The following PLEKHN1 variants were observed in gnomAD, a reference collection of about 807,000 sequenced individuals.
PLEKHN1 encodes pleckstrin homology domain-containing family N member 1.
Under a neutral mutation model 72.8 loss-of-function variants are expected in PLEKHN1, and 68 were observed. The observed-to-expected ratio is 0.93, with a 90% CI of 0.77 to 1.14. The LOEUF (loss-of-function observed/expected upper bound fraction) is 1.14. Among genes scored for constraint, PLEKHN1 ranks in the 50% most tolerant of loss-of-function variants. The pLI is 0.00. For synonymous variants in PLEKHN1, 454 were observed against 371.6 expected (o/e 1.22, Z -2.55); for missense variants, 1,015 against 840.5 (o/e 1.21, Z -2.57).
In PLEKHN1 at chr1:973,224, G is replaced by T. The variant is rs1331044276; in HGVS notation, c.1191G>T (p.Arg397=). ...CTGACCGTGCCAGCATTGGCCGACG[G>T]AGGACCGAGCTGAGACGCAGTGGCA... ...ANSDRASIGR[R]RTELRRSGSS... The change falls in exon 12 of 16, where the codon CGG becomes CGT. Residue 397 remains arginine (R), a synonymous_variant. Coordinates refer to ENST00000379410, the MANE Select transcript of PLEKHN1 (RefSeq NM_032129.3). 35 of 1,541,610 alleles carry T rather than the reference G, an allele frequency of 2.3e-5. No individual in the cohort carries two copies. The highest frequency in any genetic ancestry group is 3.1e-5 in the Non-Finnish European group (35 of 1,140,030).
rs757225927 is a variant in PLEKHN1, at chr1:973,204, C to A, written c.1171C>A (p.Arg391Ser). 1.3e-6 allele frequency: 2 copies of A among 1,533,196 alleles called. No homozygotes were observed. Among genetic ancestry groups the A allele is most frequent in the East Asian group, 2.5e-5 (1 of 40,474 alleles). The allele number at this position is 1,533,196 out of a possible 1,614,324, so 95.0% of individuals were successfully genotyped here. A position where few individuals can be genotyped will look rare whatever the true frequency, so the allele number is the denominator to read the frequency against. Residue 391 changes from arginine (R) to serine (S), a missense_variant, in exon 12 of 16, where the codon CGT becomes AGT. Transcript: ENST00000379410. ...CCCACAGGACCAGGCCAACTCTGAC[C>A]GTGCCAGCATTGGCCGACGGAGGAC... is the stretch of plus-strand genomic sequence containing the variant. Reference protein sequence around the residue: ...QHTPDQANSDRASIGRRRTEL... With the variant: ...QHTPDQANSDSASIGRRRTEL...
rs759419736 is a variant in PLEKHN1, at chr1:975,056, G to A, written c.*481G>A. ...GGTGGGTCCTTGTGTGGCCTGGCGC[G>A]CACCACAGGGCAGCACGGGAGACGT... On this transcript the variant is annotated 3_prime_UTR_variant, in exon 16 of 16. Coordinates refer to ENST00000379410, the MANE Select transcript of PLEKHN1 (RefSeq NM_032129.3). 5.7e-5 allele frequency: 9 copies of A among 157,744 alleles called. No individual in the cohort carries two copies. The highest frequency in any genetic ancestry group is 3.8e-4 in the East Asian group (2 of 5,300). 9.8% of individuals were successfully genotyped at this position (157,744 alleles called of 1,614,324 possible).
rs3109215 is a variant in PLEKHN1, at chr1:973,255, C to T, written c.1222C>T (p.Arg408Trp). The T allele has an allele frequency of 3.0e-5, 46 of 1,543,094 alleles. No homozygotes were observed. The highest frequency in any genetic ancestry group is 3.9e-5 in the Non-Finnish European group (44 of 1,141,408). Residue 408 changes from arginine (R) to tryptophan (W), a missense_variant, in exon 12 of 16, where the codon CGG (arginine) becomes TGG (tryptophan). Physicochemically the swap from Arg to Trp is moderately radical, Grantham distance 101. Transcript: ENST00000379410. ...RTELRRSGSS[R>W]SPGSKARAEG... ...CGAGCTGAGACGCAGTGGCAGCAGCCGGTCACCCGGGAGCAAGGCCCGGGC... is the reference window on the plus strand; with the variant it reads ...CGAGCTGAGACGCAGTGGCAGCAGCTGGTCACCCGGGAGCAAGGCCCGGGC...
At position 973,006 on chromosome 1, in the gene PLEKHN1, C is replaced by A; in HGVS notation, c.1148C>A (p.Thr383Lys). 6.3e-7 allele frequency: 1 copy of A among 1,598,556 alleles called. No individual in the cohort carries two copies. Among genetic ancestry groups the A allele is most frequent in the Non-Finnish European group, 8.5e-7 (1 of 1,172,404 alleles). The change falls in exon 11 of 16, where the codon ACA (threonine) becomes AAA (lysine). Residue 383 changes from threonine to lysine, a missense_variant. Physicochemically the swap from Thr to Lys is moderately conservative, Grantham distance 78 (BLOSUM62 -1). Coordinates refer to ENST00000379410, the MANE Select transcript of PLEKHN1 (RefSeq NM_032129.3). ...ACCGTGGGCTGCTCCTCCCAGCACA[C>A]ACCGGTGAGCGCTTACGGGGTGGCA... ...PSTVGCSSQH[T>K]PDQANSDRAS... is the part of the protein sequence containing the mutation.
chr1:973,780 G>T, intron 13 of PLEKHN1, 53 bp from the exon 14 acceptor site: 1 of 1,582,464 alleles, frequency 6.3e-7, no homozygotes, highest in South Asian at 1.1e-5. Context: ...GGAGGTTGAG[G>T]TTCTGGGGGC....
In PLEKHN1 at chr1:970,294, G is replaced by A; in HGVS notation, c.201G>A (p.Glu67=). ...YIPGTDILDL[E]NQRENLEQPF... The stretch of plus-strand genomic sequence containing the variant: ...CCTCCTAGGACATCCTGGACCTGGA[G>A]AACCAGCGAGAAAACCTGGAGCAGC... Residue 67 remains glutamate, a synonymous_variant, in exon 3 of 16, where the codon GAG becomes GAA. Transcript: ENST00000379410. The surrounding 1 kb of genome is among the most constrained non-coding windows in gnomAD (Gnocchi z 4.2). 3 of 1,613,214 alleles carry A rather than the reference G, an allele frequency of 1.9e-6. No homozygotes were observed. The highest frequency in any genetic ancestry group is 1.7e-6 in the Non-Finnish European group (2 of 1,179,912).
chr1:969,556 G>A (rs1643182652), intron 2 of PLEKHN1, among the ~76,000 whole-genome samples: 1 of 152,004 alleles, frequency 6.6e-6, no homozygotes, highest in South Asian at 2.1e-4. Context: ...GTGTGTATGT[G>A]TATACATGTG....
rs763058691 is a variant in PLEKHN1, at chr1:973,829, G to A, written c.1435-4G>A. The A allele has an allele frequency of 1.2e-6, 2 of 1,607,976 alleles. No individual in the cohort carries two copies. Among genetic ancestry groups the A allele is most frequent in the Non-Finnish European group, 1.7e-6 (2 of 1,178,742 alleles). ...CCAGGCCCCAGCCCTGGCTCTCCCTGCAGTTCCTCAGTGCCATGCAGAGTG... is the reference window on the plus strand; with the variant it reads ...CCAGGCCCCAGCCCTGGCTCTCCCTACAGTTCCTCAGTGCCATGCAGAGTG... On this transcript the variant is annotated splice_polypyrimidine_tract_variant and splice_region_variant and intron_variant, in intron 13 of 15. Transcript: ENST00000379410.
chr1:971,436 G>C, intron 8 of PLEKHN1, 32 bp downstream of exon 8: 1 of 1,540,474 alleles, frequency 6.5e-7, no homozygotes, highest in East Asian at 2.4e-5. Context: ...GCCCGCCCCA[G>C]GGAGGCAGCT....
chr1:970,792 C>T lies in PLEKHN1; in HGVS notation c.484+34C>T. 1 of 1,612,768 alleles carries T rather than the reference C, an allele frequency of 6.2e-7. No homozygotes were observed. The highest frequency in any genetic ancestry group is 8.5e-7 in the Non-Finnish European group (1 of 1,179,948). ...GATGCTTCCCGGGCCCCCAGAGGCA[C>T]TCCTGACCCAGGACTTGGAGAGGGG... is the stretch of plus-strand genomic sequence containing the variant. On this transcript the variant is annotated intron_variant, in intron 5 of 15. Coordinates refer to ENST00000379410, the MANE Select transcript of PLEKHN1 (RefSeq NM_032129.3). This position sits in a 1 kb window ranked among gnomAD's most constrained non-coding sequence, Gnocchi z 4.2.
rs1643524137 is a variant in PLEKHN1, at chr1:974,651, T to C, written c.*76T>C. The C allele has an allele frequency of 1.1e-5, 17 of 1,504,262 alleles. No homozygotes were observed. In the South Asian group the frequency reaches 2.1e-4, roughly 19 times the overall value. The allele number at this position is 1,504,262 out of a possible 1,614,324, so 93.2% of individuals were successfully genotyped here. A position where few individuals can be genotyped will look rare whatever the true frequency, so the allele number is the denominator to read the frequency against. ...ACCTGCCCCTCTAACCCACTTCAAA[T>C]TACAAGTCAGGGTCTGAACCCAGTG... On this transcript the variant is annotated 3_prime_UTR_variant, in exon 16 of 16. Transcript: ENST00000379410.
chr1:971,715 C>T (rs538110459), intron 8 of PLEKHN1, among the ~76,000 whole-genome samples: 8 of 152,312 alleles, frequency 5.3e-5, no homozygotes, highest in African/African-American at 1.4e-4. Context: ...CGTGCGTGTG[C>T]GTGTGTCCTC....
chr1:973,347 C>A lies in PLEKHN1; in HGVS notation c.1293+21C>A, dbSNP rs201553285. The A allele has an allele frequency of 9.1e-5, 142 of 1,552,956 alleles. No homozygotes were observed. The African/African-American group carries it at 1.0e-3, about 11-fold the overall frequency. On this transcript the variant is annotated intron_variant, in intron 12 of 15. Coordinates refer to ENST00000379410, the MANE Select transcript of PLEKHN1 (RefSeq NM_032129.3). ...CCCAGGTGGGCCCAGCACACCCACACAGCCCCTGGCCTGGTTCCCACCGTT... is the reference window on the plus strand; with the variant it reads ...CCCAGGTGGGCCCAGCACACCCACAAAGCCCCTGGCCTGGTTCCCACCGTT...
chr1:968,881 A>AGAGACCCCTCGGGG (rs1401169704), intron 2 of PLEKHN1, among the ~76,000 whole-genome samples: 2 of 152,220 alleles, frequency 1.3e-5, no homozygotes, highest in African/African-American at 4.8e-5. Flanking sequence ...GGGCAGCCAC[A>AGAGACCCCTCGGGG]GAGACCCCTC....
At chr1:968,856 G>A (rs570724193) in intron 2 of PLEKHN1, among the ~76,000 whole-genome samples, 1 of 152,326 alleles carries the variant, frequency 6.6e-6, no homozygotes, top group South Asian at 2.1e-4. Context: ...CTGATGTGAG[G>A]AGACAGTGAG....
intron 8 of PLEKHN1, 112 bp downstream of exon 8, chr1:971,516 G>C: frequency 9.6e-7 from 1 of 1,043,856 alleles, no homozygotes; most frequent in African/African-American, 1.6e-5. Context: ...ACAGAGCGCA[G>C]GGCCCTGCCC....
At position 974,435 on chromosome 1, in the gene PLEKHN1, C is replaced by T. The variant is rs749976190; in HGVS notation, c.1703-7C>T. On this transcript the variant is annotated splice_region_variant and splice_polypyrimidine_tract_variant and intron_variant, in intron 15 of 15. Transcript: ENST00000379410. ...ACAGGCTGACACATCTCTGCCTTCC[C>T]TACCAGATGGTCGGTCCCCCAGGAG... 3 of 1,612,786 alleles carry T rather than the reference C, an allele frequency of 1.9e-6. No homozygotes were observed. The highest frequency in any genetic ancestry group is 2.7e-5 in the African/African-American group (2 of 74,944).
At chr1:972,556 A>AG (rs1431031792) in intron 10 of PLEKHN1, 132 bp downstream of exon 10, 4 of 1,201,826 alleles carry the variant, frequency 3.3e-6, no homozygotes, top group African/African-American at 1.5e-5. Context: ...ATTTGAGGTC[A>AG]GGGGTTCGAG....
Position 973,551 on chromosome 1 carries a change from G to A in PLEKHN1, c.1345G>A (p.Glu449Lys), listed in dbSNP as rs141648243. ...SSPDAPDHTS[E>K]TSHSPLYADP... ...CCCAGATGCCCCTGACCACACTTCGGAAACATCACACTCGCCCCTCTATGC... is the reference window on the plus strand; with the variant it reads ...CCCAGATGCCCCTGACCACACTTCGAAAACATCACACTCGCCCCTCTATGC... Residue 449 changes from glutamate (E) to lysine (K), a missense_variant, in exon 13 of 16, where the codon GAA (glutamate) becomes AAA (lysine). Coordinates refer to ENST00000379410, the MANE Select transcript of PLEKHN1 (RefSeq NM_032129.3). 2.5e-4 allele frequency: 404 copies of A among 1,613,136 alleles called. No individual in the cohort carries two copies. Among genetic ancestry groups the A allele is most frequent in the Non-Finnish European group, 3.1e-4 (369 of 1,179,966 alleles).
Sources: allele counts gnomAD v4.1 joint callset (sites outside exome capture counted in the v4.1 genomes callset), GRCh38; gene constraint gnomAD v4.1.1; non-coding constraint Gnocchi (gnomAD v3.1); transcripts MANE v1.5; gene names NCBI Gene and HGNC (gene_info 2026-07-23, HGNC 2026-07-21).